THRB: variants seen among roughly 807,000 people sequenced by gnomAD.
THRB encodes the protein thyroid hormone receptor beta.
Under a neutral mutation model 47.8 loss-of-function variants are expected in THRB, and 12 were observed. The observed-to-expected ratio is 0.25, with a 90% confidence interval of 0.16 to 0.41. THRB has a LOEUF of 0.41. THRB is among the 10% of genes least tolerant of loss of function. The probability of loss-of-function intolerance (pLI) is 1.00; values close to 1 mark genes in which losing one functional copy is unlikely to be tolerated. For missense variants in THRB, 348 were observed against 589.2 expected (o/e 0.59, Z 4.24); for synonymous variants, 218 against 212.2 (o/e 1.03, Z -0.24).
At chr3:24,437,685 G>A (rs775795418) in intron 1 of THRB, among the ~76,000 whole-genome samples, 18 of 151,952 alleles carry the variant, frequency 1.2e-4, no homozygotes, top group Non-Finnish European at 2.2e-4. Flanking sequence ...GGAAAAAAAG[G>A]TGGGTAACAG....
intron 3 of THRB, among the ~76,000 whole-genome samples, chr3:24,239,493 A>G (rs960408541): frequency 6.6e-6 from 1 of 151,998 alleles, no homozygotes; most frequent in Non-Finnish European, 1.5e-5. Context: ...CATCATTATT[A>G]TTATTTGATG....
chr3:24,202,286 G>A (rs933021529), intron 4 of THRB, among the ~76,000 whole-genome samples: 26 of 152,244 alleles, frequency 1.7e-4, no homozygotes, highest in East Asian at 5.8e-4. Flanking sequence ...GAAAACATAC[G>A]TTTTTGGTAT....
intron 3 of THRB, among the ~76,000 whole-genome samples, chr3:24,296,522 T>A (rs1020105440): frequency 6.6e-6 from 1 of 152,056 alleles, no homozygotes; most frequent in East Asian, 1.9e-4. Flanking sequence ...AGAATATGAG[T>A]AAGTTTCCCT....
intron 1 of THRB, among the ~76,000 whole-genome samples, chr3:24,378,973 T>A (rs527720894): frequency 6.6e-6 from 1 of 152,222 alleles, no homozygotes; most frequent in South Asian, 2.1e-4. Context: ...CCAGCACCAT[T>A]TGAAAGCATT....
intron 1 of THRB, among the ~76,000 whole-genome samples, chr3:24,341,188 G>GTTTCCTTTCCTTTCC (rs142996757): frequency 1.0e-4 from 13 of 130,116 alleles, no homozygotes; most frequent in East Asian, 8.8e-4. Flanking sequence ...CTTTCCTTTC[G>GTTTCCTTTCCTTTCC]TTTCCTTTCC....
chr3:24,416,848 A>C (rs577121589), intron 1 of THRB, among the ~76,000 whole-genome samples: 2 of 151,974 alleles, frequency 1.3e-5, no homozygotes, highest in African/African-American at 4.8e-5. Flanking sequence ...AAAGCTCCCC[A>C]GTTGGATAAT....
chr3:24,340,550 C>A (rs533749773), intron 1 of THRB, among the ~76,000 whole-genome samples: 1 of 151,470 alleles, frequency 6.6e-6, no homozygotes, highest in African/African-American at 2.4e-5. Flanking sequence ...TAAATAGTAT[C>A]CCATAATATC....
At chr3:24,142,481 ATC>A (rs1304345502) in intron 8 of THRB, among the ~76,000 whole-genome samples, 2 of 152,232 alleles carry the variant, frequency 1.3e-5, no homozygotes, top group Non-Finnish European at 2.9e-5. Flanking sequence ...AAGATCCACT[ATC>A]TCATTGTAAT....
At chr3:24,221,057 T>C (rs1437062626) in intron 4 of THRB, among the ~76,000 whole-genome samples, 1 of 151,886 alleles carries the variant, frequency 6.6e-6, no homozygotes. Context: ...CCACACTAGT[T>C]TCCTTTTTAC....
At chr3:24,152,024 C>G (rs2037032000) in intron 6 of THRB, among the ~76,000 whole-genome samples, 1 of 152,140 alleles carries the variant, frequency 6.6e-6, no homozygotes, top group Admixed American at 6.5e-5. Context: ...GTAGATAAAA[C>G]AAGAAGAGAA....
At chr3:24,298,152 A>G (rs750438525) in intron 2 of THRB, among the ~76,000 whole-genome samples, 2 of 152,142 alleles carry the variant, frequency 1.3e-5, no homozygotes, top group African/African-American at 2.4e-5. Context: ...CATAGAGGAT[A>G]TTTATTTATT....
At chr3:24,405,662 A>G (rs1290853187) in intron 1 of THRB, among the ~76,000 whole-genome samples, 1 of 151,614 alleles carries the variant, frequency 6.6e-6, no homozygotes, top group Non-Finnish European at 1.5e-5. Flanking sequence ...CTTTTGATAT[A>G]ATTATTCTTA....
chr3:24,142,685 G>C (rs888318210), intron 8 of THRB, among the ~76,000 whole-genome samples: 1 of 152,204 alleles, frequency 6.6e-6, no homozygotes, highest in Non-Finnish European at 1.5e-5. Flanking sequence ...AGTAGGGCAC[G>C]TAGTCTTTCT....
At chr3:24,478,854 C>G (rs2125846285) in intron 1 of THRB, among the ~76,000 whole-genome samples, 1 of 152,244 alleles carries the variant, frequency 6.6e-6, no homozygotes, top group South Asian at 2.1e-4. Flanking sequence ...GAACTAAAGT[C>G]TAAACAGTGG....
At chr3:24,387,014 A>T (rs572526158) in intron 1 of THRB, among the ~76,000 whole-genome samples, 2 of 152,234 alleles carry the variant, frequency 1.3e-5, no homozygotes, top group South Asian at 4.1e-4. Flanking sequence ...TTTTTCTGCC[A>T]CATCAATTGG....
chr3:24,208,786 T>C (rs1035386846), intron 4 of THRB, among the ~76,000 whole-genome samples: 3 of 152,308 alleles, frequency 2.0e-5, no homozygotes, highest in East Asian at 3.9e-4. Context: ...GACATAGGCA[T>C]GGGCAAGGAC....
chr3:24,203,327 T>C (rs1391503382), intron 4 of THRB, among the ~76,000 whole-genome samples: 2 of 152,044 alleles, frequency 1.3e-5, no homozygotes, highest in Middle Eastern at 3.2e-3. Context: ...GGTGGGAGGA[T>C]TGCTTGAGCC....
chr3:24,472,243 C>T (rs932393023), intron 1 of THRB, among the ~76,000 whole-genome samples: 2 of 152,174 alleles, frequency 1.3e-5, no homozygotes, highest in Admixed American at 6.5e-5. Flanking sequence ...TGTGTCTATA[C>T]ATGCCAGGAC....
chr3:24,153,304 G>A (rs551931112), intron 5 of THRB, among the ~76,000 whole-genome samples: 3 of 152,288 alleles, frequency 2.0e-5, no homozygotes, highest in African/African-American at 2.4e-5. Context: ...GGAAATTACA[G>A]GCAGGACTAA....
Sources: allele counts gnomAD v4.1 joint callset (sites outside exome capture counted in the v4.1 genomes callset), GRCh38; gene constraint gnomAD v4.1.1; transcripts MANE v1.5; gene names NCBI Gene and HGNC (gene_info 2026-07-23, HGNC 2026-07-21).